EFNB2: variants seen among roughly 807,000 people sequenced by gnomAD.
EFNB2 encodes the protein ephrin-B2.
A neutral mutation model predicts 32.1 loss-of-function variants in EFNB2; 5 were observed. That is an observed-to-expected ratio of 0.16 (90% CI 0.08 to 0.33). The LOEUF is 0.33. EFNB2 is among the 10% of genes least tolerant of loss of function. EFNB2 has a pLI of 1.00. For synonymous variants in EFNB2, 168 were observed against 166.5 expected (o/e 1.01, Z -0.07); for missense variants, 263 against 422.6 (o/e 0.62, Z 3.31).
chr13:106,504,097 T>C (rs1262308498), intron 2 of EFNB2, among the ~76,000 whole-genome samples: 2 of 152,322 alleles, frequency 1.3e-5, no homozygotes, highest in East Asian at 3.9e-4. Context: ...CTGAAGATTC[T>C]GACAGTCTCA....
Position 106,518,758 on chromosome 13 carries a change from C to A in EFNB2, c.123-5946G>T, listed in dbSNP as rs976513106. On this transcript the variant is annotated intron_variant, in intron 1 of 4. Coordinates refer to ENST00000646441, the MANE Select transcript of EFNB2 (RefSeq NM_004093.4). The surrounding 1 kb of genome is among the most constrained non-coding windows in gnomAD (Gnocchi z 4.1). ...ACCCGAAATTGCACTCCCTGCTTCC[C>A]CTCCCACCCACGGCCACTCCATTTT... is the stretch of plus-strand genomic sequence containing the variant. 2 of 152,238 alleles carry A rather than the reference C, an allele frequency of 1.3e-5. No homozygotes were observed. Among genetic ancestry groups the A allele is most frequent in the African/African-American group, 4.8e-5 (2 of 41,402 alleles). The allele number at this position is 152,238 out of a possible 1,614,324, so 9.4% of individuals were successfully genotyped here.
chr13:106,527,290 CAATAA>C (rs1487819370), intron 1 of EFNB2, among the ~76,000 whole-genome samples: 1 of 151,506 alleles, frequency 6.6e-6, no homozygotes, highest in African/African-American at 2.4e-5. Flanking sequence ...ATAAAAACAA[CAATAA>C]AATAAAAATA....
At chr13:106,507,468 T>C (rs1025917411) in intron 2 of EFNB2, among the ~76,000 whole-genome samples, 6 of 152,178 alleles carry the variant, frequency 3.9e-5, no homozygotes, top group Non-Finnish European at 8.8e-5. Flanking sequence ...AGCAACAGAC[T>C]CTGAAGTTCT....
Position 106,493,736 on chromosome 13 carries a change from C to T in EFNB2, c.614-308G>A, listed in dbSNP as rs903265673. On this transcript the variant is annotated intron_variant, in intron 4 of 4. Transcript: ENST00000646441. The surrounding 1 kb of genome is among the most constrained non-coding windows in gnomAD (Gnocchi z 6.1). ...CATCTTCTAACCCGTGTCAGCCAGCCTGGGGCAGCGGCAGGGAAGAAAAAG... is the reference window on the plus strand; with the variant it reads ...CATCTTCTAACCCGTGTCAGCCAGCTTGGGGCAGCGGCAGGGAAGAAAAAG... Among the ~76,000 whole-genome samples, 1 of 152,204 alleles carries T rather than the reference C, an allele frequency of 6.6e-6. No homozygotes were observed. The highest frequency in any genetic ancestry group is 1.5e-5 in the Non-Finnish European group (1 of 68,040).
intron 2 of EFNB2, among the ~76,000 whole-genome samples, chr13:106,504,674 A>G (rs1878892139): frequency 6.6e-6 from 1 of 152,214 alleles, no homozygotes; most frequent in Non-Finnish European, 1.5e-5. Flanking sequence ...CCACTTGCAA[A>G]GCACAACTGT....
At chr13:106,512,880 T>C in intron 1 of EFNB2, 68 bp from the exon 2 acceptor site, 2 of 1,368,766 alleles carry the variant, frequency 1.5e-6, no homozygotes, top group Non-Finnish European at 1.9e-6. Context: ...AGTTACAAGA[T>C]AGCCAGGCAA....
At chr13:106,522,949 T>G (rs1260199030) in intron 1 of EFNB2, among the ~76,000 whole-genome samples, 1 of 152,146 alleles carries the variant, frequency 6.6e-6, no homozygotes, top group Non-Finnish European at 1.5e-5. Context: ...GAGATAAAAC[T>G]CTCCAAGTTC....
chr13:106,493,487 A>C lies in EFNB2; in HGVS notation c.614-59T>G. 6.5e-7 allele frequency: 1 copy of C among 1,540,780 alleles called. No homozygotes were observed. The highest frequency in any genetic ancestry group is 8.7e-7 in the Non-Finnish European group (1 of 1,144,408). On this transcript the variant is annotated intron_variant, in intron 4 of 4. Coordinates refer to ENST00000646441, the MANE Select transcript of EFNB2 (RefSeq NM_004093.4). The surrounding 1 kb of genome is among the most constrained non-coding windows in gnomAD (Gnocchi z 6.1). ...GTTACTGCTGTCCCAGTGCAGACGGACTGCTTTTATGACCCTTAAAAATGT... is the reference window on the plus strand; with the variant it reads ...GTTACTGCTGTCCCAGTGCAGACGGCCTGCTTTTATGACCCTTAAAAATGT...
rs558358854 is a variant in EFNB2 at position 106,523,225 on chromosome 13, T to G, written c.123-10413A>C. On this transcript the variant is annotated intron_variant, in intron 1 of 4. Transcript: ENST00000646441. ...GGCTACAAAACAGCCAGGTCTGTAC[T>G]GCTACCATCAAAAGGAAGCAAAATC... is the stretch of plus-strand genomic sequence containing the variant. Among the ~76,000 whole-genome samples, 9 of 152,288 alleles carry G rather than the reference T, an allele frequency of 5.9e-5. No homozygotes were observed. In the East Asian group the frequency reaches 1.5e-3, roughly 26 times the overall value.
At chr13:106,499,083 CT>C (rs1266855757) in intron 2 of EFNB2, among the ~76,000 whole-genome samples, 2 of 152,096 alleles carry the variant, frequency 1.3e-5, no homozygotes, top group South Asian at 2.1e-4. Context: ...CTGGTACTAA[CT>C]GAAACTCCAG....
At position 106,495,836 on chromosome 13, in the gene EFNB2, T is replaced by G; in HGVS notation, c.411A>C (p.Thr137=). Residue 137 remains threonine (T), a synonymous_variant, in exon 3 of 5, where the codon ACA becomes ACC. Transcript: ENST00000646441. ...CCAGGCCCTCCAAAGACCCATTTGA[T>G]GTAGCTGATTAAAAATAAAATGGAC... ...QKNKDYYIIS[T]SNGSLEGLDN... The G allele has an allele frequency of 6.2e-7, 1 of 1,611,946 alleles. No individual in the cohort carries two copies. Among genetic ancestry groups the G allele is most frequent in the South Asian group, 1.1e-5 (1 of 90,418 alleles).
chr13:106,492,748 G>A lies in EFNB2; in HGVS notation c.*292C>T, dbSNP rs567823479. On this transcript the variant is annotated 3_prime_UTR_variant, in exon 5 of 5. Coordinates refer to ENST00000646441, the MANE Select transcript of EFNB2 (RefSeq NM_004093.4). The surrounding 1 kb of genome is among the most constrained non-coding windows in gnomAD (Gnocchi z 5.1). ...TCCCTTGGCTTCTGCAGAGGCCTGA[G>A]TGACCGCAGCACATGGCTTCGAGGA... is the stretch of plus-strand genomic sequence containing the variant. The A allele has an allele frequency of 4.7e-5, 15 of 318,352 alleles. No individual in the cohort carries two copies. The highest frequency in any genetic ancestry group is 1.7e-4 in the Admixed American group (4 of 23,400). The allele number at this position is 318,352 out of a possible 1,614,324, so 19.7% of individuals were successfully genotyped here.
chr13:106,505,892 T>C (rs1345022377), intron 2 of EFNB2, among the ~76,000 whole-genome samples: 3 of 152,150 alleles, frequency 2.0e-5, no homozygotes, highest in African/African-American at 7.2e-5. Flanking sequence ...GTGATGTCAT[T>C]TAATGTGAAC....
In EFNB2 at chr13:106,504,896, G is replaced by T. The variant is rs534957540; in HGVS notation, c.406+7633C>A. ...TGATGTAGCAACTTTCTATTGAGGG[G>T]CTTAAAGTACTTGCTAACATAAAAA... is the stretch of plus-strand genomic sequence containing the variant. On this transcript the variant is annotated intron_variant, in intron 2 of 4. Transcript: ENST00000646441. 3.3e-5 allele frequency among the ~76,000 whole-genome samples: 5 copies of T among 152,136 alleles called. No individual in the cohort carries two copies. In the East Asian group the frequency reaches 7.7e-4, roughly 24 times the overall value.
At chr13:106,529,144 C>A (rs1048371172) in intron 1 of EFNB2, among the ~76,000 whole-genome samples, 1 of 152,136 alleles carries the variant, frequency 6.6e-6, no homozygotes, top group African/African-American at 2.4e-5. Flanking sequence ...TTTACCTTTG[C>A]TTCTCCCATG....
At chr13:106,505,882 G>A (rs374592839) in intron 2 of EFNB2, among the ~76,000 whole-genome samples, 81 of 152,190 alleles carry the variant, frequency 5.3e-4, no homozygotes, top group African/African-American at 1.8e-3. Flanking sequence ...GATGGCTTAG[G>A]TGATGTCATT....
At chr13:106,519,143 C>T (rs574299569) in intron 1 of EFNB2, 2 of 152,306 alleles carry the variant, frequency 1.3e-5, no homozygotes, top group African/African-American at 4.8e-5. Flanking sequence ...CTACCAGTTT[C>T]TACACCCAGA....
At chr13:106,531,952 A>T (rs1879885111) in intron 1 of EFNB2, among the ~76,000 whole-genome samples, 2 of 152,024 alleles carry the variant, frequency 1.3e-5, no homozygotes, top group Non-Finnish European at 2.9e-5. Context: ...TTTAAAAAAG[A>T]GCCCACTACT....
intron 1 of EFNB2, among the ~76,000 whole-genome samples, chr13:106,534,079 G>A (rs1010088370): frequency 1.3e-5 from 2 of 152,180 alleles, no homozygotes; most frequent in African/African-American, 4.8e-5. Flanking sequence ...TGTCGACTGG[G>A]CAGGGCCCTA....
Sources: gnomAD v4.1 joint callset for allele counts (sites outside exome capture counted in the v4.1 genomes callset) on GRCh38, gnomAD v4.1.1 for gene constraint, Gnocchi (gnomAD v3.1) non-coding constraint, MANE v1.5 for transcripts, NCBI Gene and HGNC (gene_info 2026-07-23, HGNC 2026-07-21) for gene names.